Variants in HUNK observed in about 807,000 individuals in gnomAD.
HUNK encodes hormonally up-regulated neu tumor-associated kinase.
HUNK carries 21 observed loss-of-function variants against 61.0 expected under a neutral mutation model. That is an observed-to-expected ratio of 0.34 (90% CI 0.24 to 0.50). The LOEUF is 0.50. Ranked by LOEUF, HUNK falls within the 20% of genes least tolerant of loss-of-function variation. The pLI, the probability that HUNK is intolerant of heterozygous loss-of-function variation, is 0.98. For synonymous variants in HUNK, 371 were observed against 386.1 expected, an observed-to-expected ratio of 0.96 and a Z score of 0.46; for missense variants, 772 against 945.7, an observed-to-expected ratio of 0.82 and a Z score of 2.41.
intron 1 of HUNK, among the ~76,000 whole-genome samples, chr21:31,899,401 A>C (rs930306529): frequency 6.6e-6 from 1 of 152,012 alleles, no homozygotes; most frequent in Non-Finnish European, 1.5e-5. Context: ...GCCTCACTCC[A>C]GTCTCTGCCT....
chr21:31,961,697 C>T (rs534293095), intron 5 of HUNK, among the ~76,000 whole-genome samples: 1 of 152,214 alleles, frequency 6.6e-6, no homozygotes, highest in African/African-American at 2.4e-5. Flanking sequence ...TAAATATTGC[C>T]ATCTCTCAGA....
intron 3 of HUNK, among the ~76,000 whole-genome samples, chr21:31,941,199 GA>G (rs1013823572): frequency 4.6e-5 from 7 of 152,190 alleles, no homozygotes; most frequent in African/African-American, 1.7e-4. Flanking sequence ...CTTATTACTA[GA>G]GAGTTAATCG....
At chr21:31,960,597 G>A (rs2052920661) in intron 5 of HUNK, among the ~76,000 whole-genome samples, 1 of 151,300 alleles carries the variant, frequency 6.6e-6, no homozygotes, top group South Asian at 2.1e-4. Context: ...CATGGCTGGG[G>A]AGGCCTCATA....
At chr21:31,918,142 T>G (rs2052598733) in intron 1 of HUNK, among the ~76,000 whole-genome samples, 1 of 152,176 alleles carries the variant, frequency 6.6e-6, no homozygotes, top group African/African-American at 2.4e-5. Context: ...CCATTTCAGT[T>G]GTTATAGATG....
chr21:31,936,128 T>C (rs2052732225), intron 2 of HUNK, among the ~76,000 whole-genome samples: 1 of 152,192 alleles, frequency 6.6e-6, no homozygotes, highest in African/African-American at 2.4e-5. Context: ...TATGCCATTG[T>C]TTGGGTGTGC....
rs576714727 is a variant in HUNK, at chr21:31,961,069, C to T, written c.874+2099C>T. ...AGACAGTTCCCTCACAAGGATCCCT[C>T]GTGCTGCTCCTCTGTAGCCACAGCT... On this transcript the variant is annotated intron_variant, in intron 5 of 10. Coordinates refer to ENST00000270112, the MANE Select transcript of HUNK (RefSeq NM_014586.2). 9.8e-5 allele frequency among the ~76,000 whole-genome samples: 15 copies of T among 152,316 alleles called. No individual in the cohort carries two copies. The South Asian group carries it at 2.5e-3, about 25-fold the overall frequency.
chr21:31,919,713 G>A (rs923562832), intron 1 of HUNK, among the ~76,000 whole-genome samples: 2 of 152,138 alleles, frequency 1.3e-5, no homozygotes, highest in African/African-American at 2.4e-5. Flanking sequence ...TCTGCTCTCC[G>A]TGGGTCTCAT....
intron 8 of HUNK, among the ~76,000 whole-genome samples, chr21:31,989,353 A>T (rs1260093660): frequency 6.6e-6 from 1 of 152,186 alleles, no homozygotes; most frequent in African/African-American, 2.4e-5. Flanking sequence ...CTTATTTCAA[A>T]ATCTATATAA....
At chr21:31,932,359 G>A (rs1403061559) in intron 2 of HUNK, among the ~76,000 whole-genome samples, 1 of 152,136 alleles carries the variant, frequency 6.6e-6, no homozygotes, top group African/African-American at 2.4e-5. Context: ...CTGTCCTGAA[G>A]GGCAGTGACT....
At chr21:31,979,206 C>T (rs1246879153) in intron 7 of HUNK, among the ~76,000 whole-genome samples, 2 of 151,258 alleles carry the variant, frequency 1.3e-5, no homozygotes, top group Admixed American at 6.6e-5. Context: ...GCAACCTCTG[C>T]CTCCTGGATT....
chr21:31,976,910 A>G (rs958021983), intron 7 of HUNK, among the ~76,000 whole-genome samples: 2 of 151,792 alleles, frequency 1.3e-5, no homozygotes, highest in African/African-American at 4.8e-5. Context: ...AGCTGGGACT[A>G]CAGGTACGCA....
At chr21:31,946,003 T>C in intron 3 of HUNK, 33 bp from the exon 4 acceptor site, 1 of 1,558,066 alleles carries the variant, frequency 6.4e-7, no homozygotes, top group Non-Finnish European at 8.7e-7. Flanking sequence ...AGTTTTCTAA[T>C]TCGGAGCTTG....
At chr21:31,934,794 A>C (rs1366084797) in intron 2 of HUNK, among the ~76,000 whole-genome samples, 1 of 152,108 alleles carries the variant, frequency 6.6e-6, no homozygotes, top group East Asian at 1.9e-4. Context: ...TTTGCTCAGG[A>C]TAATGACTTC....
chr21:31,998,217 G>A (rs2053219524), intron 10 of HUNK, among the ~76,000 whole-genome samples: 1 of 152,176 alleles, frequency 6.6e-6, no homozygotes, highest in East Asian at 1.9e-4. Flanking sequence ...CCGCTGCCTA[G>A]GGTCCAGAAT....
chr21:31,914,433 A>AC (rs2052568230), intron 1 of HUNK, among the ~76,000 whole-genome samples: 2 of 150,334 alleles, frequency 1.3e-5, no homozygotes, highest in Non-Finnish European at 3.0e-5. Flanking sequence ...AAAAAAAAAA[A>AC]AAAAGACCCG....
intron 5 of HUNK, among the ~76,000 whole-genome samples, chr21:31,964,540 C>T (rs1317683323): frequency 6.6e-6 from 1 of 152,164 alleles, no homozygotes; most frequent in Non-Finnish European, 1.5e-5. Flanking sequence ...CAGTGGAGAA[C>T]CTAAGTGTTA....
intron 5 of HUNK, among the ~76,000 whole-genome samples, chr21:31,962,759 A>C (rs1026621665): frequency 3.9e-5 from 6 of 152,244 alleles, no homozygotes; most frequent in African/African-American, 1.4e-4. Context: ...GGGATATAGA[A>C]ATATCTTTTT....
Position 31,995,914 on chromosome 21 carries a change from C to A in HUNK, c.1452C>A (p.Asp484Glu), listed in dbSNP as rs544322969. 41 of 1,613,774 alleles carry A rather than the reference C, an allele frequency of 2.5e-5. No homozygotes were observed. Among genetic ancestry groups the A allele is most frequent in the Non-Finnish European group, 3.3e-5 (39 of 1,179,876 alleles). ...QIQNTKALLK[D>E]RKASKSSFPD... ...AGAACACCAAAGCCCTCCTGAAGGA[C>A]CGGAAGGCCTCCAAGTCCAGCTTCC... is the stretch of plus-strand genomic sequence containing the variant. The change falls in exon 10 of 11, where the codon GAC becomes GAA. Residue 484 changes from aspartate (D) to glutamate (E), a missense_variant. Transcript: ENST00000270112.
Position 31,955,819 on chromosome 21 carries a change from CG to C in HUNK, c.747-3022del, listed in dbSNP as rs541997648. On this transcript the variant is annotated intron_variant, in intron 4 of 10. Transcript: ENST00000270112. ...GTTAGGCATTATGAAGCACTTACTG[CG>C]GAAAAAAATGATATTGTATAAGTAG... Among the ~76,000 whole-genome samples the C allele has an allele frequency of 2.6e-5, 4 of 152,282 alleles. No individual in the cohort carries two copies. The South Asian group carries it at 6.2e-4, about 24-fold the overall frequency.
Sources: allele counts gnomAD v4.1 joint callset (sites outside exome capture counted in the v4.1 genomes callset), GRCh38; gene constraint gnomAD v4.1.1; transcripts MANE v1.5; gene names NCBI Gene and HGNC (gene_info 2026-07-23, HGNC 2026-07-21).